ANKFN1: variants seen among roughly 807,000 people sequenced by gnomAD.
The protein encoded by ANKFN1 is ankyrin repeat and fibronectin type-III domain-containing protein 1.
ANKFN1 carries 74 observed loss-of-function variants against 108.7 expected under a neutral mutation model. The observed-to-expected ratio is 0.68, with a 90% confidence interval of 0.56 to 0.83. The LOEUF is 0.83. Ranked by LOEUF, ANKFN1 falls within the 40% of genes least tolerant of loss-of-function variation. The pLI, the probability that ANKFN1 is intolerant of heterozygous loss-of-function variation, is 0.00. For missense variants in ANKFN1, 1,505 were observed against 1,382.3 expected (o/e 1.09, Z -1.41); for synonymous variants, 547 against 516.2 (o/e 1.06, Z -0.81).
rs879606607 is a variant in ANKFN1, at chr17:56,193,461, TA to T, written c.-70-19128del. The stretch of plus-strand genomic sequence containing the variant: ...GTGCATAATTTATTTGTAGCGTTTT[TA>T]AAAAAAAACAAAAAAAATACAGCTA... On this transcript the variant is annotated intron_variant, in intron 1 of 20. Coordinates refer to ENST00000682825, the MANE Select transcript of ANKFN1 (RefSeq NM_001370326.1). Among the ~76,000 whole-genome samples the T allele has an allele frequency of 5.2e-3, 752 of 143,594 alleles. 9 individuals are homozygous for T. The highest frequency in any genetic ancestry group is 7.2e-3 in the Non-Finnish European group (472 of 65,998). 94.2% of individuals were successfully genotyped at this position (143,594 alleles called of 152,430 possible). A position where few individuals can be genotyped will look rare whatever the true frequency, so the allele number is the denominator to read the frequency against.
At chr17:56,381,417 C>A (rs144706323) in intron 8 of ANKFN1, among the ~76,000 whole-genome samples, 13 of 152,126 alleles carry the variant, frequency 8.5e-5, no homozygotes, top group Admixed American at 7.2e-4. Flanking sequence ...TCACCAGCAA[C>A]GGAACAAAGC....
At chr17:56,153,871 C>CT (rs1342583710) in intron 1 of ANKFN1, among the ~76,000 whole-genome samples, 4 of 152,196 alleles carry the variant, frequency 2.6e-5, no homozygotes, top group Non-Finnish European at 5.9e-5. Context: ...CCAGGGATTA[C>CT]TTGTCTCCAT....
intron 3 of ANKFN1, among the ~76,000 whole-genome samples, chr17:56,229,190 G>A (rs1240140989): frequency 6.6e-6 from 1 of 152,096 alleles, no homozygotes; most frequent in Non-Finnish European, 1.5e-5. Flanking sequence ...TTTTTAAAAT[G>A]TCAGTCTCTG....
At chr17:56,265,803 AGTT>A (rs1454164884) in intron 3 of ANKFN1, among the ~76,000 whole-genome samples, 1 of 152,188 alleles carries the variant, frequency 6.6e-6, no homozygotes, top group East Asian at 1.9e-4. Flanking sequence ...ATGCTATATA[AGTT>A]GTTGTTATCC....
At chr17:56,301,054 A>G (rs1231639865) in intron 3 of ANKFN1, among the ~76,000 whole-genome samples, 1 of 152,222 alleles carries the variant, frequency 6.6e-6, no homozygotes, top group African/African-American at 2.4e-5. Context: ...TAGTAGCCAT[A>G]GGCAATGTTC....
intron 3 of ANKFN1, among the ~76,000 whole-genome samples, chr17:56,299,857 G>A (rs1026165807): frequency 3.3e-5 from 5 of 152,156 alleles, no homozygotes; most frequent in African/African-American, 1.2e-4. Flanking sequence ...ATAAGCATTT[G>A]TTCGTTGGCT....
chr17:56,111,403 T>C (rs1905953667), intron 4 of ANKFN1, among the ~76,000 whole-genome samples: 1 of 152,160 alleles, frequency 6.6e-6, no homozygotes, highest in Non-Finnish European at 1.5e-5. Flanking sequence ...TCTCCTTGTG[T>C]GCCTGTGAGT....
At chr17:56,356,046 A>G (rs1463891612) in intron 6 of ANKFN1, among the ~76,000 whole-genome samples, 1 of 152,110 alleles carries the variant, frequency 6.6e-6, no homozygotes, top group African/African-American at 2.4e-5. Flanking sequence ...ATTATATAAT[A>G]TATGGTCTTC....
chr17:56,070,380 T>C lies in ANKFN1; in HGVS notation c.288+24055T>C, dbSNP rs532139033. Among the ~76,000 whole-genome samples the C allele has an allele frequency of 2.0e-5, 3 of 152,314 alleles. No individual in the cohort carries two copies. The South Asian group carries it at 6.2e-4, about 32-fold the overall frequency. On this transcript the variant is annotated intron_variant, in intron 4 of 12. Coordinates refer to the ANKFN1 transcript ENST00000635860. ...TCCAGACTCTGTCGCCTTCTTTATA[T>C]GGCCCTTTCCCCTATGTGTCTCCCC...
At chr17:56,226,852 T>TTA (rs896984903) in intron 2 of ANKFN1, among the ~76,000 whole-genome samples, 2 of 152,096 alleles carry the variant, frequency 1.3e-5, no homozygotes, top group African/African-American at 4.8e-5. Flanking sequence ...TCTAACTATT[T>TTA]TATATATATT....
At chr17:56,319,150 A>G (rs556213845) in intron 3 of ANKFN1, among the ~76,000 whole-genome samples, 1 of 152,296 alleles carries the variant, frequency 6.6e-6, no homozygotes, top group South Asian at 2.1e-4. Flanking sequence ...CAGTATTTTG[A>G]CTAATCAACG....
Position 56,377,273 on chromosome 17 carries a change from A to G in ANKFN1, c.910+2559A>G, listed in dbSNP as rs575907932. 2.6e-5 allele frequency among the ~76,000 whole-genome samples: 4 copies of G among 152,284 alleles called. No homozygotes were observed. In the South Asian group the frequency reaches 8.3e-4, roughly 32 times the overall value. ...ATTTGTTTACACTCAACCCATCAACATATTGTTTTATAAGAGTTTGTTGAT... is the reference window on the plus strand; with the variant it reads ...ATTTGTTTACACTCAACCCATCAACGTATTGTTTTATAAGAGTTTGTTGAT... On this transcript the variant is annotated intron_variant, in intron 8 of 20. Transcript: ENST00000682825.
At chr17:56,152,262 A>ATATGTG (rs1491285234), upstream of ANKFN1, among the ~76,000 whole-genome samples, 2 of 77,714 alleles carry the variant, frequency 2.6e-5, no homozygotes, top group African/African-American at 7.2e-5. Context: ...ATATATATAT[A>ATATGTG]TGTGTGTGTG....
At chr17:56,154,478 C>A (rs780762088) in intron 1 of ANKFN1, among the ~76,000 whole-genome samples, 3 of 151,964 alleles carry the variant, frequency 2.0e-5, no homozygotes, top group Non-Finnish European at 2.9e-5. Context: ...CTTTCCTTTT[C>A]TCTCTTTTCC....
chr17:56,467,396 G>C (rs1289712930), intron 15 of ANKFN1, among the ~76,000 whole-genome samples: 1 of 151,970 alleles, frequency 6.6e-6, no homozygotes, highest in Non-Finnish European at 1.5e-5. Flanking sequence ...GAAATAACTA[G>C]AGGCTGGGCG....
chr17:56,371,499 A>T (rs1437116670), intron 6 of ANKFN1, among the ~76,000 whole-genome samples: 1 of 152,180 alleles, frequency 6.6e-6, no homozygotes, highest in African/African-American at 2.4e-5. Context: ...TTTCCCCTTT[A>T]ATTAGAAGAA....
At chr17:56,369,311 TAAG>T (rs2046748628) in intron 6 of ANKFN1, among the ~76,000 whole-genome samples, 1 of 152,158 alleles carries the variant, frequency 6.6e-6, no homozygotes, top group African/African-American at 2.4e-5. Context: ...ATGTCATAGA[TAAG>T]AAGCACAGCA....
At chr17:56,158,436 AGAAAT>A (rs1326724278) in intron 1 of ANKFN1, among the ~76,000 whole-genome samples, 9 of 152,346 alleles carry the variant, frequency 5.9e-5, no homozygotes, top group African/African-American at 1.9e-4. Flanking sequence ...CGGCCCTAGC[AGAAAT>A]GAAATGAAAT....
chr17:56,241,202 A>T (rs1046916184), intron 3 of ANKFN1, among the ~76,000 whole-genome samples: 1 of 152,154 alleles, frequency 6.6e-6, no homozygotes, highest in African/African-American at 2.4e-5. Flanking sequence ...TGAGCCTAAG[A>T]GTTCAAGTCT....
Sources: allele counts gnomAD v4.1 joint callset (sites outside exome capture counted in the v4.1 genomes callset), GRCh38; gene constraint gnomAD v4.1.1; transcripts MANE v1.5; gene names NCBI Gene and HGNC (gene_info 2026-07-23, HGNC 2026-07-21).